Variants in GBX1 observed in about 807,000 individuals in gnomAD.
GBX1 encodes the protein homeobox protein GBX-1.
Under a neutral mutation model 22.9 loss-of-function variants are expected in GBX1, and 9 were observed. That is an observed-to-expected ratio of 0.39 (90% CI 0.24 to 0.69). The LOEUF is 0.69. Among genes scored for constraint, GBX1 ranks in the 30% least tolerant of loss-of-function variants. The pLI is 0.43. For synonymous variants in GBX1, 203 were observed against 227.3 expected (o/e 0.89, Z 0.96); for missense variants, 494 against 509.2 (o/e 0.97, Z 0.29).
chr7:151,167,188 G>A lies in GBX1; in HGVS notation c.361C>T (p.Leu121Phe), dbSNP rs1183129554. The change falls in exon 1 of 2, where the codon CTC becomes TTC. Residue 121 changes from leucine to phenylalanine, a missense_variant. This residue lies in a region of GBX1 where 365 missense variants were observed against 340.4 expected (regional missense o/e 1.07). Transcript: ENST00000297537. This position sits in a 1 kb window ranked among gnomAD's most constrained non-coding sequence, Gnocchi z 5.9. ...PPDAFYGPQE[L>F]AAAAAAAAAT... is the part of the protein sequence containing the mutation. Reference sequence around the variant, plus strand: ...GCGGCGGCGGCAGCGGCGGCGGCGAGCTCCTGGGGCCCGTAGAAAGCGTCG... The same window carrying A: ...GCGGCGGCGGCAGCGGCGGCGGCGAACTCCTGGGGCCCGTAGAAAGCGTCG... The A allele has an allele frequency of 1.9e-6, 3 of 1,572,370 alleles. No homozygotes were observed. The highest frequency in any genetic ancestry group is 2.6e-6 in the Non-Finnish European group (3 of 1,161,400).
chr7:151,150,310 C>T (rs1037569408), intron 1 of GBX1, among the ~76,000 whole-genome samples: 1 of 152,176 alleles, frequency 6.6e-6, no homozygotes, highest in Admixed American at 6.5e-5. Context: ...AGCAGTGAAA[C>T]AAGTCAAAAG....
chr7:151,164,207 A>C (rs1355293370), intron 1 of GBX1, among the ~76,000 whole-genome samples: 1 of 152,248 alleles, frequency 6.6e-6, no homozygotes, highest in Non-Finnish European at 1.5e-5. Context: ...CACAAGGAAA[A>C]CAATTTCTCC....
Position 151,148,786 on chromosome 7 carries a change from T to C in GBX1, c.895A>G (p.Lys299Glu). 6.2e-7 allele frequency: 1 copy of C among 1,614,190 alleles called. No homozygotes were observed. The highest frequency in any genetic ancestry group is 8.5e-7 in the Non-Finnish European group (1 of 1,180,038). Residue 299 changes from lysine (K) to glutamate (E), a missense_variant, in exon 2 of 2, where the codon AAG becomes GAG. By Grantham distance (56) the Lys-to-Glu change is moderately conservative. Transcript: ENST00000297537. This position sits in a 1 kb window ranked among gnomAD's most constrained non-coding sequence, Gnocchi z 5.1. Reference sequence around the variant, plus strand: ...ATCTTGACCTGCACCTCACTGAGCTTGAGGGCGTGGGCGATCTGAGAGCGC... The same window carrying C: ...ATCTTGACCTGCACCTCACTGAGCTCGAGGGCGTGGGCGATCTGAGAGCGC... ...TERSQIAHAL[K>E]LSEVQVKIWF... is the part of the protein sequence containing the mutation.
At chr7:151,165,704 AAAC>A (rs1415965963) in intron 1 of GBX1, among the ~76,000 whole-genome samples, 1 of 152,226 alleles carries the variant, frequency 6.6e-6, no homozygotes, top group Admixed American at 6.5e-5. Flanking sequence ...ACAAAAAAGA[AAAC>A]AACAGCTGAA....
At chr7:151,150,150 A>G (rs746554763) in intron 1 of GBX1, 5 of 302,110 alleles carry the variant, frequency 1.7e-5, no homozygotes, top group Non-Finnish European at 2.6e-5. Context: ...CAAGCATATA[A>G]ACATTTTAAT....
At chr7:151,150,054 G>C in intron 1 of GBX1, 1 of 405,728 alleles carries the variant, frequency 2.5e-6, no homozygotes, top group South Asian at 1.7e-5. Flanking sequence ...AGGAGGAAGA[G>C]GGAAAAGTGC....
At chr7:151,149,615 G>A (rs533704360) in intron 1 of GBX1, among the ~76,000 whole-genome samples, 16 of 152,190 alleles carry the variant, frequency 1.1e-4, no homozygotes, top group South Asian at 2.1e-4. Flanking sequence ...GGAGCCACTG[G>A]GGGGAGGAGT....
intron 1 of GBX1, among the ~76,000 whole-genome samples, chr7:151,160,021 GACT>G (rs760031503): frequency 3.9e-4 from 59 of 152,176 alleles, no homozygotes; most frequent in Non-Finnish European, 8.2e-4. Flanking sequence ...CCTCCTCCAT[GACT>G]ACAACACCAC....
intron 1 of GBX1, among the ~76,000 whole-genome samples, chr7:151,158,796 C>T (rs1328720404): frequency 6.6e-6 from 1 of 152,184 alleles, no homozygotes; most frequent in Non-Finnish European, 1.5e-5. Flanking sequence ...CAGGAAAGCG[C>T]CTCACATATT....
At chr7:151,162,927 C>G (rs999553651) in intron 1 of GBX1, among the ~76,000 whole-genome samples, 1 of 151,862 alleles carries the variant, frequency 6.6e-6, no homozygotes, top group Non-Finnish European at 1.5e-5. Context: ...CTGCCTCAGC[C>G]TCCTGAGTAG....
intron 1 of GBX1, among the ~76,000 whole-genome samples, chr7:151,156,443 G>C (rs1328518760): frequency 1.8e-5 from 1 of 56,840 alleles, no homozygotes; most frequent in African/African-American, 6.1e-5. Context: ...GAAAGAAAAA[G>C]ATCTCATCCC....
In GBX1 at chr7:151,167,504, C is replaced by CCCG. The variant is rs1408819626; in HGVS notation, c.42_44dup (p.Gly20dup). On this transcript the variant is annotated inframe_insertion, in exon 1 of 2. Coordinates refer to ENST00000297537, the MANE Select transcript of GBX1 (RefSeq NM_001098834.3). The surrounding 1 kb of genome is among the most constrained non-coding windows in gnomAD (Gnocchi z 5.9). ...CAGTGCCCGGGCCCCCGCCGCCGCCCCCGCCGTTGCCCCCAGGGGCGCTAC... is the reference window on the plus strand; with the variant it reads ...CAGTGCCCGGGCCCCCGCCGCCGCCCCCGCCGCCGTTGCCCCCAGGGGCGCTAC... 1.3e-6 allele frequency: 2 copies of CCCG among 1,482,420 alleles called. No homozygotes were observed. Among genetic ancestry groups the CCCG allele is most frequent in the South Asian group, 2.5e-5 (2 of 78,604 alleles). 91.8% of individuals were successfully genotyped at this position (1,482,420 alleles called of 1,614,324 possible).
chr7:151,149,238 G>A (rs1801050138), intron 1 of GBX1, 96 bp from the exon 2 acceptor site: 4 of 1,215,694 alleles, frequency 3.3e-6, no homozygotes, highest in Non-Finnish European at 4.6e-6. Context: ...ATGGGGGGTT[G>A]GGAGACAAGA....
intron 1 of GBX1, among the ~76,000 whole-genome samples, chr7:151,156,491 A>G (rs1801137062): frequency 6.6e-6 from 1 of 151,750 alleles, no homozygotes; most frequent in African/African-American, 2.4e-5. Context: ...CTAATCATTA[A>G]TATCTTCCCT....
chr7:151,165,601 A>G (rs1801240121), intron 1 of GBX1, among the ~76,000 whole-genome samples: 2 of 152,086 alleles, frequency 1.3e-5, no homozygotes, highest in African/African-American at 4.8e-5. Context: ...ATTTTCTCCC[A>G]CCTTCCAGTT....
chr7:151,167,335 GC>G lies in GBX1; in HGVS notation c.213del (p.Leu73SerfsTer4). ...LAPAPLPAGL[P>X]PLAPLASFAG... ...GCGAAAGAGGCTAGCGGGGCGAGGG[GC>G]GGGAGGCCAGCGGGCAGCGGCGCAG... is the stretch of plus-strand genomic sequence containing the variant. On this transcript the variant is annotated frameshift_variant, in exon 1 of 2. Transcript: ENST00000297537. LOFTEE classifies it high-confidence loss of function. This position sits in a 1 kb window ranked among gnomAD's most constrained non-coding sequence, Gnocchi z 5.9. 6.6e-7 allele frequency: 1 copy of G among 1,513,868 alleles called. No homozygotes were observed. The highest frequency in any genetic ancestry group is 8.8e-7 in the Non-Finnish European group (1 of 1,134,270). The allele number at this position is 1,513,868 out of a possible 1,614,324, so 93.8% of individuals were successfully genotyped here. A position where few individuals can be genotyped will look rare whatever the true frequency, so the allele number is the denominator to read the frequency against.
At chr7:151,154,486 T>C (rs984836560) in intron 1 of GBX1, among the ~76,000 whole-genome samples, 1 of 152,212 alleles carries the variant, frequency 6.6e-6, no homozygotes, top group African/African-American at 2.4e-5. Flanking sequence ...TTATTGGTAA[T>C]AAGAAGACTA....
chr7:151,149,838 T>G, intron 1 of GBX1: 1 of 445,190 alleles, frequency 2.2e-6, no homozygotes, highest in Non-Finnish European at 4.5e-6. Context: ...TGTGGCCAGA[T>G]TTTTTCTCCC....
In GBX1 at chr7:151,167,267, A is replaced by G; in HGVS notation, c.282T>C (p.Ala94=). The change falls in exon 1 of 2, where the codon GCT becomes GCC. Residue 94 remains alanine, a synonymous_variant. Transcript: ENST00000297537. This position sits in a 1 kb window ranked among gnomAD's most constrained non-coding sequence, Gnocchi z 5.9. ...TNTFCAGLGQ[A]VPSMVALTTA... The stretch of plus-strand genomic sequence containing the variant: ...TGGTCAGCGCCACCATCGAGGGCAC[A>G]GCCTGACCCAGCCCCGCGCAGAAGG... The G allele has an allele frequency of 6.5e-7, 1 of 1,545,666 alleles. No individual in the cohort carries two copies.
Sources: gnomAD v4.1 joint callset for allele counts (sites outside exome capture counted in the v4.1 genomes callset) on GRCh38, gnomAD v4.1.1 for gene constraint, gnomAD v4.1.1 regional missense constraint, Gnocchi (gnomAD v3.1) non-coding constraint, MANE v1.5 for transcripts, NCBI Gene and HGNC (gene_info 2026-07-23, HGNC 2026-07-21) for gene names.